The following IL27RA variants were observed in gnomAD, a reference collection of about 807,000 sequenced individuals.
IL27RA encodes the protein interleukin-27 receptor subunit alpha.
IL27RA carries 61 observed loss-of-function variants against 80.8 expected under a neutral mutation model. That is an observed-to-expected ratio of 0.76 (90% confidence interval 0.61 to 0.93). IL27RA has a LOEUF of 0.93. IL27RA is among the 40% of genes least tolerant of loss of function. The pLI is 0.00. For synonymous variants in IL27RA, 316 were observed against 332.5 expected (o/e 0.95, Z 0.54); for missense variants, 735 against 808.1 (o/e 0.91, Z 1.10).
At chr19:14,049,122 C>T in intron 9 of IL27RA, 34 bp from the exon 10 acceptor site, 2 of 1,612,690 alleles carry the variant, frequency 1.2e-6, no homozygotes, top group Non-Finnish European at 1.7e-6. Flanking sequence ...TTCTGTAACC[C>T]AGGCCGACCT....
At chr19:14,037,593 G>A (rs1446680891) in intron 2 of IL27RA, among the ~76,000 whole-genome samples, 2 of 152,020 alleles carry the variant, frequency 1.3e-5, no homozygotes, top group African/African-American at 4.8e-5. Flanking sequence ...GCACAGTTTG[G>A]CCTCCAGGTC....
chr19:14,046,353 C>G lies in IL27RA; in HGVS notation c.952+16C>G, dbSNP rs754829180. On this transcript the variant is annotated intron_variant, in intron 7 of 13. Transcript: ENST00000263379. ...GTCTGCTTGGGTAAGAGACTGTGAC[C>G]TTCCTCAGCTCGGTGCCCTGGAGGG... The G allele has an allele frequency of 9.9e-6, 16 of 1,613,216 alleles. No individual in the cohort carries two copies. Among genetic ancestry groups the G allele is most frequent in the African/African-American group, 1.3e-5 (1 of 74,900 alleles).
intron 2 of IL27RA, among the ~76,000 whole-genome samples, chr19:14,035,666 A>G (rs943120699): frequency 1.3e-5 from 2 of 151,900 alleles, no homozygotes; most frequent in Non-Finnish European, 2.9e-5. Context: ...AAGTGCTGGG[A>G]TTACAGGCAG....
intron 2 of IL27RA, among the ~76,000 whole-genome samples, chr19:14,032,805 C>CAAAAAA (rs60328140): frequency 9.9e-5 from 6 of 60,736 alleles, no homozygotes; most frequent in Admixed American, 2.0e-4. Context: ...GACTCTGTCT[C>CAAAAAA]AAAAAAAAAA....
intron 4 of IL27RA, among the ~76,000 whole-genome samples, chr19:14,041,859 AG>A (rs1975993470): frequency 2.0e-5 from 3 of 152,058 alleles, no homozygotes; most frequent in Admixed American, 2.0e-4. Flanking sequence ...TAAGGTCAGG[AG>A]TTCAAGACCA....
Position 14,052,091 on chromosome 19 carries a change from C to T in IL27RA, c.1717-5C>T, listed in dbSNP as rs760757290. ...GGGCAGGATTACAGGCTCATCTCTT[C>T]CCAGCAAGTACCTGAGGCCCAGCCC... is the stretch of plus-strand genomic sequence containing the variant. On this transcript the variant is annotated splice_polypyrimidine_tract_variant and splice_region_variant and intron_variant, in intron 13 of 13. Transcript: ENST00000263379. 2 of 1,612,126 alleles carry T rather than the reference C, an allele frequency of 1.2e-6. No homozygotes were observed. The highest frequency in any genetic ancestry group is 2.2e-5 in the South Asian group (2 of 90,566).
chr19:14,042,902 G>A (rs1976013654), intron 6 of IL27RA, 113 bp downstream of exon 6: 3 of 940,434 alleles, frequency 3.2e-6, no homozygotes, highest in Non-Finnish European at 5.1e-6. Context: ...ACTGCTGTGG[G>A]AGGCCGAGGA....
At chr19:14,051,509 T>C in intron 11 of IL27RA, 98 bp from the exon 12 acceptor site, 1 of 599,854 alleles carries the variant, frequency 1.7e-6, no homozygotes, top group Non-Finnish European at 2.5e-6. Context: ...ACCACTGCAC[T>C]CCAGCCTGGG....
chr19:14,040,101 C>T (rs1024195065), intron 4 of IL27RA, among the ~76,000 whole-genome samples, 191 bp downstream of exon 4: 3 of 152,088 alleles, frequency 2.0e-5, no homozygotes, highest in Admixed American at 6.6e-5. Flanking sequence ...CGGTGGTTCA[C>T]GCCTGTAATC....
At position 14,051,720 on chromosome 19, in the gene IL27RA, GC is replaced by G; in HGVS notation, c.1622+21del. 6.4e-7 allele frequency: 1 copy of G among 1,566,550 alleles called. No homozygotes were observed. Among genetic ancestry groups the G allele is most frequent in the Non-Finnish European group, 8.7e-7 (1 of 1,143,102 alleles). ...TGGAAGGTGAGGCTGTCGGATACATGCATCTCTACCCACGTGGGGAAGGCAG... is the reference window on the plus strand; with the variant it reads ...TGGAAGGTGAGGCTGTCGGATACATGATCTCTACCCACGTGGGGAAGGCAG... On this transcript the variant is annotated intron_variant, in intron 12 of 13. Coordinates refer to ENST00000263379, the MANE Select transcript of IL27RA (RefSeq NM_004843.4).
intron 2 of IL27RA, among the ~76,000 whole-genome samples, chr19:14,032,805 CAA>C (rs60328140): frequency 0.21 from 12,890 of 60,358 alleles, 1,749 homozygotes; most frequent in African/African-American, 0.51. Flanking sequence ...GACTCTGTCT[CAA>C]AAAAAAAAAA....
At position 14,042,462 on chromosome 19, in the gene IL27RA, G is replaced by A; in HGVS notation, c.544G>A (p.Glu182Lys). 1 of 1,613,978 alleles carries A rather than the reference G, an allele frequency of 6.2e-7. No individual in the cohort carries two copies. Among genetic ancestry groups the A allele is most frequent in the South Asian group, 1.1e-5 (1 of 91,076 alleles). The stretch of plus-strand genomic sequence containing the variant: ...CCTGTCTCTCCCCCAGCTGGAACCG[G>A]AGCTGAAGACCATACCCCTGACCCC... Reference protein sequence around the residue: ...QEAAWTLLEPELKTIPLTPVE... With the variant: ...QEAAWTLLEPKLKTIPLTPVE... The change falls in exon 5 of 14, where the codon GAG becomes AAG. Residue 182 changes from glutamate to lysine, a missense_variant. Physicochemically the swap from Glu to Lys is moderately conservative, Grantham distance 56. Coordinates refer to ENST00000263379, the MANE Select transcript of IL27RA (RefSeq NM_004843.4).
At chr19:14,039,138 T>A (rs116773505) in intron 2 of IL27RA, among the ~76,000 whole-genome samples, 3,327 of 150,816 alleles carry the variant, frequency 0.022, 69 homozygotes, top group South Asian at 0.071. Flanking sequence ...CACAAAAAAA[T>A]TGGCCAGGTG....
intron 2 of IL27RA, among the ~76,000 whole-genome samples, chr19:14,035,488 C>T (rs764318172): frequency 1.3e-5 from 2 of 151,806 alleles, no homozygotes; most frequent in Non-Finnish European, 2.9e-5. Context: ...CTCCGCCTCC[C>T]GGGTTCCAGC....
In IL27RA at chr19:14,031,941, G is replaced by A. The variant is rs1268340431; in HGVS notation, c.69G>A (p.Leu23=). The A allele has an allele frequency of 6.2e-7, 1 of 1,611,192 alleles. No homozygotes were observed. Among genetic ancestry groups the A allele is most frequent in the African/African-American group, 1.3e-5 (1 of 74,870 alleles). ...PLPKLALLPL[L]WVLFQRTRPQ... ...CCAAGCTGGCGCTGCTGCCTCTGTT[G>A]TGGGTGCTTTTCCAGCGGACGCGTC... Residue 23 remains leucine, a synonymous_variant, in exon 1 of 14, where the codon TTG becomes TTA. Coordinates refer to ENST00000263379, the MANE Select transcript of IL27RA (RefSeq NM_004843.4).
Position 14,049,083 on chromosome 19 carries a change from G to GT in IL27RA, c.1243+2dup, listed in dbSNP as rs1284077850. On this transcript the variant is annotated splice_donor_variant, in intron 9 of 13. Coordinates refer to ENST00000263379, the MANE Select transcript of IL27RA (RefSeq NM_004843.4). LOFTEE classifies it high-confidence loss of function. ...GTCTGGGGGTTCAGGGAGGAATTAG[G>GT]TAAGAGTGGGGCTGGAGGATGGGGG... is the stretch of plus-strand genomic sequence containing the variant. 1 of 1,613,310 alleles carries GT rather than the reference G, an allele frequency of 6.2e-7. No homozygotes were observed. Among genetic ancestry groups the GT allele is most frequent in the African/African-American group, 1.3e-5 (1 of 74,882 alleles).
intron 8 of IL27RA, 63 bp downstream of exon 8, chr19:14,046,681 G>C: frequency 7.0e-7 from 1 of 1,421,868 alleles, no homozygotes; most frequent in Non-Finnish European, 9.6e-7. Flanking sequence ...GGGTGGACTT[G>C]TAAGAGGGAG....
chr19:14,048,673 G>A (rs1379675436), intron 8 of IL27RA, among the ~76,000 whole-genome samples: 1 of 152,132 alleles, frequency 6.6e-6, no homozygotes, highest in Non-Finnish European at 1.5e-5. Flanking sequence ...GACTAATGAG[G>A]CTTGGTGGAT....
intron 6 of IL27RA, 97 bp from the exon 7 acceptor site, chr19:14,046,057 C>G (rs775786157): frequency 1.7e-5 from 20 of 1,164,636 alleles, no homozygotes; most frequent in Non-Finnish European, 2.5e-5. Context: ...ACAAAAAATG[C>G]TTCACTGACC....
Sources: allele counts gnomAD v4.1 joint callset (sites outside exome capture counted in the v4.1 genomes callset), GRCh38; gene constraint gnomAD v4.1.1; transcripts MANE v1.5; gene names NCBI Gene and HGNC (gene_info 2026-07-23, HGNC 2026-07-21).